ENTREP2: variants seen among roughly 807,000 people sequenced by gnomAD.
ENTREP2 encodes protein ENTREP2.
At chr15:29,600,161 T>C in the ENTREP2 span, among the ~76,000 whole-genome samples, 11 of 152,218 alleles carry the variant, frequency 7.2e-5, no homozygotes, top group Non-Finnish European at 1.2e-4. Flanking sequence ...TTCCACAGTC[T>C]TTGTAATCTG....
At chr15:29,314,656 G>C in the ENTREP2 span, among the ~76,000 whole-genome samples, 40,353 of 151,978 alleles carry the variant, frequency 0.27, 5,640 homozygotes, top group Non-Finnish European at 0.31. Flanking sequence ...TGTGATATTC[G>C]CTTTATTGCA....
At chr15:29,605,619 C>G in the ENTREP2 span, among the ~76,000 whole-genome samples, 11 of 152,094 alleles carry the variant, frequency 7.2e-5, no homozygotes, top group African/African-American at 2.4e-4. Flanking sequence ...GGCAGATCAC[C>G]TGAGGTCAGG....
At chr15:29,195,900 T>C in the ENTREP2 span, among the ~76,000 whole-genome samples, 1 of 152,238 alleles carries the variant, frequency 6.6e-6, no homozygotes, top group Admixed American at 6.5e-5. Context: ...ACTCTTCTTA[T>C]GTATTTTTAA....
At chr15:29,442,582 GC>G in the ENTREP2 span, among the ~76,000 whole-genome samples, 1 of 152,160 alleles carries the variant, frequency 6.6e-6, no homozygotes, top group Non-Finnish European at 1.5e-5. Context: ...TTCCAGGGAA[GC>G]CCCCATCAGG....
At chr15:29,359,173 G>A in the ENTREP2 span, among the ~76,000 whole-genome samples, 3 of 152,168 alleles carry the variant, frequency 2.0e-5, no homozygotes, top group Non-Finnish European at 4.4e-5. Flanking sequence ...GGAAAAAGCT[G>A]TTATGGAAAA....
chr15:29,263,630 C>A, the ENTREP2 span, among the ~76,000 whole-genome samples: 8 of 152,190 alleles, frequency 5.3e-5, no homozygotes, highest in Non-Finnish European at 1.0e-4. Flanking sequence ...ATACACACAG[C>A]GGTGCTGTAT....
chr15:29,339,624 TGGCCCCCAGCAGC>T, the ENTREP2 span, among the ~76,000 whole-genome samples: 1 of 152,358 alleles, frequency 6.6e-6, no homozygotes, highest in East Asian at 1.9e-4. Context: ...ACAACAGCAG[TGGCCCCCAGCAGC>T]ACTCCAATTT....
chr15:29,663,709 G>A, the ENTREP2 span, among the ~76,000 whole-genome samples: 1 of 152,092 alleles, frequency 6.6e-6, no homozygotes, highest in Non-Finnish European at 1.5e-5. Context: ...CCCGCGGCCT[G>A]TTGTGGGGGA....
the ENTREP2 span, among the ~76,000 whole-genome samples, chr15:29,264,184 T>G: frequency 8.3e-6 from 1 of 120,208 alleles, no homozygotes. Flanking sequence ...TCTCTTTTTG[T>G]GCCAACAAGC....
chr15:29,368,071 C>T, the ENTREP2 span, among the ~76,000 whole-genome samples: 1 of 151,268 alleles, frequency 6.6e-6, no homozygotes, highest in Admixed American at 6.6e-5. Flanking sequence ...GCCTATAATC[C>T]CAGCACTTTG....
the ENTREP2 span, among the ~76,000 whole-genome samples, chr15:29,496,043 G>A: frequency 6.6e-6 from 1 of 151,880 alleles, no homozygotes; most frequent in African/African-American, 2.4e-5. Context: ...CCATGAACAT[G>A]GGATATCTTC....
the ENTREP2 span, among the ~76,000 whole-genome samples, chr15:29,155,546 C>A: frequency 6.6e-6 from 1 of 152,126 alleles, no homozygotes; most frequent in Non-Finnish European, 1.5e-5. Flanking sequence ...CTGAAGACCC[C>A]CATGTTTCTC....
chr15:29,375,413 GAGTA>G, the ENTREP2 span: 3 of 152,264 alleles, frequency 2.0e-5, no homozygotes, highest in Non-Finnish European at 2.9e-5. Context: ...CCCTCTACTT[GAGTA>G]AGTCTTTCCT....
the ENTREP2 span, among the ~76,000 whole-genome samples, chr15:29,211,328 A>T: frequency 6.6e-6 from 1 of 152,116 alleles, no homozygotes. Flanking sequence ...TCTCAGACAC[A>T]CTCGATGTGT....
the ENTREP2 span, among the ~76,000 whole-genome samples, chr15:29,444,176 A>G: frequency 1.8e-5 from 1 of 54,882 alleles, no homozygotes; most frequent in Non-Finnish European, 3.6e-5. Flanking sequence ...CAGACAAAGA[A>G]AGAAAGAAAG....
At chr15:29,436,474 A>G in the ENTREP2 span, among the ~76,000 whole-genome samples, 2,139 of 152,306 alleles carry the variant, frequency 0.014, 47 homozygotes, top group African/African-American at 0.049. Context: ...TAAAACAGAC[A>G]AAAGTGGTGT....
At chr15:29,413,669 C>T in the ENTREP2 span, among the ~76,000 whole-genome samples, 10 of 152,130 alleles carry the variant, frequency 6.6e-5, no homozygotes, top group Non-Finnish European at 1.2e-4. Context: ...GAACTCTCTT[C>T]CCCTCTTCCT....
the ENTREP2 span, among the ~76,000 whole-genome samples, chr15:29,327,520 G>A: frequency 5.3e-5 from 8 of 151,718 alleles, no homozygotes; most frequent in East Asian, 1.9e-4. Context: ...GCGTGAACCC[G>A]GGAGGTAGAG....
the ENTREP2 span, among the ~76,000 whole-genome samples, chr15:29,227,132 G>T: frequency 6.6e-6 from 1 of 152,188 alleles, no homozygotes; most frequent in African/African-American, 2.4e-5. Context: ...GCTGGAGGGG[G>T]AATGACATGG....
Sources: allele counts gnomAD v4.1 joint callset (sites outside exome capture counted in the v4.1 genomes callset), GRCh38; gene constraint gnomAD v4.1.1; transcripts MANE v1.5; gene names NCBI Gene and HGNC (gene_info 2026-07-23, HGNC 2026-07-21).